SORT1: variants seen among roughly 807,000 people sequenced by gnomAD.
SORT1 encodes the protein sortilin.
SORT1 carries 39 observed loss-of-function variants against 101.7 expected under a neutral mutation model. The ratio of observed to expected loss-of-function variants is 0.38; its 90% confidence interval spans 0.30 to 0.50. SORT1 has a LOEUF of 0.50. SORT1 is among the 20% of genes least tolerant of loss of function. SORT1 has a pLI of 0.90. For missense variants in SORT1, 878 were observed against 1,040.4 expected (o/e 0.84, Z 2.15); for synonymous variants, 396 against 393.7 (o/e 1.01, Z -0.07).
At chr1:109,351,965 GGT>G (rs10540637) in intron 5 of SORT1, among the ~76,000 whole-genome samples, 10,771 of 147,342 alleles carry the variant, frequency 0.073, 395 homozygotes, top group South Asian at 0.12. Flanking sequence ...GAGAGGTAGG[GGT>G]GTGTGTGTGT....
At chr1:109,393,175 T>A (rs1371446021) in intron 1 of SORT1, 2 of 985,354 alleles carry the variant, frequency 2.0e-6, no homozygotes, top group African/African-American at 3.5e-5. Context: ...AACACACGCA[T>A]TCTTCCCAGA....
At chr1:109,369,424 G>A (rs1651332614) in intron 2 of SORT1, 106 bp downstream of exon 2, 4 of 756,016 alleles carry the variant, frequency 5.3e-6, no homozygotes, top group South Asian at 1.5e-5. Context: ...TGTGATTGAG[G>A]CTAAAGACAG....
intron 13 of SORT1, among the ~76,000 whole-genome samples, chr1:109,326,412 T>G (rs1648025665): frequency 7.4e-6 from 1 of 135,144 alleles, no homozygotes; most frequent in African/African-American, 2.8e-5. Context: ...TCCATAATAA[T>G]TTTGTAGACA....
At chr1:109,362,464 T>A (rs369467009) in intron 3 of SORT1, among the ~76,000 whole-genome samples, 3 of 152,206 alleles carry the variant, frequency 2.0e-5, no homozygotes, top group African/African-American at 7.2e-5. Flanking sequence ...CTGGGTAATA[T>A]TGGCAAGATT....
At chr1:109,319,862 G>A (rs1244338990) in intron 15 of SORT1, among the ~76,000 whole-genome samples, 85 of 146,542 alleles carry the variant, frequency 5.8e-4, no homozygotes, top group African/African-American at 5.5e-4. Context: ...ACGAGACTCC[G>A]TCTCAAAAAA....
intron 3 of SORT1, among the ~76,000 whole-genome samples, chr1:109,359,851 T>C (rs1217793045): frequency 1.3e-5 from 2 of 152,122 alleles, no homozygotes; most frequent in Admixed American, 6.5e-5. Flanking sequence ...ATTGAAAGTG[T>C]CATCTAAATA....
chr1:109,318,309 T>G (rs1360946379), intron 15 of SORT1, among the ~76,000 whole-genome samples: 1 of 152,200 alleles, frequency 6.6e-6, no homozygotes, highest in African/African-American at 2.4e-5. Context: ...CATGCCACCA[T>G]GCCTGGCTAA....
At chr1:109,363,322 A>T (rs926550763) in intron 3 of SORT1, among the ~76,000 whole-genome samples, 9 of 152,194 alleles carry the variant, frequency 5.9e-5, no homozygotes, top group Non-Finnish European at 7.3e-5. Context: ...CTTTAACTTC[A>T]TATGTGCAAG....
At chr1:109,316,753 T>A in intron 17 of SORT1, 97 bp downstream of exon 17, 1 of 797,788 alleles carries the variant, frequency 1.3e-6, no homozygotes, top group Admixed American at 2.4e-5. Flanking sequence ...TGACCACTTT[T>A]TATCAGTAAC....
chr1:109,376,349 A>G (rs1398766352), intron 1 of SORT1, among the ~76,000 whole-genome samples: 2 of 140,878 alleles, frequency 1.4e-5, no homozygotes, highest in East Asian at 2.2e-4. Context: ...AAAAAAAAAA[A>G]GGAACTTAAA....
At chr1:109,317,794 C>T in intron 16 of SORT1, 59 bp downstream of exon 16, 3 of 1,139,934 alleles carry the variant, frequency 2.6e-6, no homozygotes, top group South Asian at 1.3e-5. Context: ...AGAGAAGCAG[C>T]TTTCACTCTG....
chr1:109,390,359 C>T (rs145990192), intron 1 of SORT1, among the ~76,000 whole-genome samples: 1 of 152,268 alleles, frequency 6.6e-6, no homozygotes, highest in Non-Finnish European at 1.5e-5. Flanking sequence ...TGAATGACAT[C>T]TATATAGTAC....
At chr1:109,359,842 T>C (rs1483521231) in intron 3 of SORT1, among the ~76,000 whole-genome samples, 4 of 152,118 alleles carry the variant, frequency 2.6e-5, no homozygotes, top group African/African-American at 9.7e-5. Flanking sequence ...AAGTCTAAAA[T>C]TGAAAGTGTC....
chr1:109,313,892 T>G lies in SORT1; in HGVS notation c.*151A>C. On this transcript the variant is annotated 3_prime_UTR_variant, in exon 20 of 20. Transcript: ENST00000256637. Reference sequence around the variant, plus strand: ...TTCCCCACCCCCACCCTGCATTTCTTTAGTGTAGGTCCTTTTGGCTTTGAT... The same window carrying G: ...TTCCCCACCCCCACCCTGCATTTCTGTAGTGTAGGTCCTTTTGGCTTTGAT... The G allele has an allele frequency of 8.2e-6, 5 of 609,330 alleles. No individual in the cohort carries two copies. Among genetic ancestry groups the G allele is most frequent in the East Asian group, 3.1e-5 (1 of 32,382 alleles). The allele number at this position is 609,330 out of a possible 1,614,324, so 37.7% of individuals were successfully genotyped here.
At chr1:109,355,645 G>GCC (rs67471448) in intron 3 of SORT1, among the ~76,000 whole-genome samples, 176 bp from the exon 4 acceptor site, 2,050 of 90,254 alleles carry the variant, frequency 0.023, 149 homozygotes, top group East Asian at 0.042. Context: ...CATTCCACCC[G>GCC]CCCCCCCCCC....
rs1255914640 is a variant in SORT1 at position 109,310,361 on chromosome 1, G to A, written c.*3682C>T. The A allele has an allele frequency of 6.5e-6, 1 of 153,998 alleles. No individual in the cohort carries two copies. Among genetic ancestry groups the A allele is most frequent in the Non-Finnish European group, 1.5e-5 (1 of 68,034 alleles). The allele number at this position is 153,998 out of a possible 1,614,324, so 9.5% of individuals were successfully genotyped here. ...TGCTATTTCAATGATGCTTCATGAG[G>A]GCAAGGCCTGGGCTCTGCTAGGGCA... On this transcript the variant is annotated 3_prime_UTR_variant, in exon 20 of 20. Transcript: ENST00000256637.
chr1:109,347,921 TAAAG>T (rs1016719771), intron 6 of SORT1, among the ~76,000 whole-genome samples: 8 of 152,200 alleles, frequency 5.3e-5, no homozygotes, highest in Non-Finnish European at 7.4e-5. Context: ...TCCTCCACAA[TAAAG>T]AATTCTTTGA....
intron 3 of SORT1, among the ~76,000 whole-genome samples, chr1:109,361,595 T>C (rs573286929): frequency 8.5e-5 from 13 of 152,332 alleles, no homozygotes; most frequent in East Asian, 3.9e-4. Context: ...CTTTTGTTCA[T>C]TTTGCCATGA....
At chr1:109,388,806 G>A (rs1465683353) in intron 1 of SORT1, among the ~76,000 whole-genome samples, 5 of 152,048 alleles carry the variant, frequency 3.3e-5, no homozygotes, top group African/African-American at 4.8e-5. Flanking sequence ...GGTTCAGAGA[G>A]GTTAATTTGT....
Sources: gnomAD v4.1 joint callset for allele counts (sites outside exome capture counted in the v4.1 genomes callset) on GRCh38, gnomAD v4.1.1 for gene constraint, MANE v1.5 for transcripts, NCBI Gene and HGNC (gene_info 2026-07-23, HGNC 2026-07-21) for gene names.